ZBTB49: variants seen among roughly 807,000 people sequenced by gnomAD.
ZBTB49 encodes zinc finger and BTB domain-containing protein 49.
Under a neutral mutation model 57.5 loss-of-function variants are expected in ZBTB49, and 43 were observed. The ratio of observed to expected loss-of-function variants is 0.75; its 90% confidence interval spans 0.59 to 0.97. ZBTB49 has a LOEUF of 0.97. ZBTB49 is among the 50% of genes least tolerant of loss of function. The probability of loss-of-function intolerance (pLI) is 0.00; values close to 1 mark genes in which losing one functional copy is unlikely to be tolerated. For synonymous variants in ZBTB49, 369 were observed against 362.1 expected (o/e 1.02, Z -0.22); for missense variants, 938 against 947.7 (o/e 0.99, Z 0.13).
At chr4:4,301,236 A>T (rs1720459209) in intron 2 of ZBTB49, among the ~76,000 whole-genome samples, 1 of 152,212 alleles carries the variant, frequency 6.6e-6, no homozygotes, top group South Asian at 2.1e-4. Flanking sequence ...TACTTACCTG[A>T]GCTTATTATT....
At chr4:4,314,017 G>A (rs1014950443) in intron 5 of ZBTB49, among the ~76,000 whole-genome samples, 1 of 152,212 alleles carries the variant, frequency 6.6e-6, no homozygotes, top group African/African-American at 2.4e-5. Flanking sequence ...ATAGTCACGG[G>A]GTCAGTTAGA....
At chr4:4,294,630 C>T (rs907091377) in intron 1 of ZBTB49, among the ~76,000 whole-genome samples, 8 of 152,156 alleles carry the variant, frequency 5.3e-5, no homozygotes, top group African/African-American at 1.9e-4. Flanking sequence ...GGTAGAATTA[C>T]AAGCATGAGC....
At chr4:4,292,325 T>C (rs1206918136) in intron 1 of ZBTB49, among the ~76,000 whole-genome samples, 1 of 152,138 alleles carries the variant, frequency 6.6e-6, no homozygotes, top group African/African-American at 2.4e-5. Context: ...ACGATACTTG[T>C]TTTTCCCACT....
chr4:4,302,101 C>T lies in ZBTB49; in HGVS notation c.265C>T (p.Leu89Phe), dbSNP rs781044085. 2 of 1,614,206 alleles carry T rather than the reference C, an allele frequency of 1.2e-6. No individual in the cohort carries two copies. The highest frequency in any genetic ancestry group is 1.7e-6 in the Non-Finnish European group (2 of 1,180,024). The change falls in exon 3 of 8, where the codon CTT becomes TTT. Residue 89 changes from leucine to phenylalanine, a missense_variant. Leu to Phe is a conservative substitution (Grantham distance 22, BLOSUM62 0). Transcript: ENST00000337872. ...CTTCATGTACACTTCTCATCTAGAT[C>T]TTAACCAGGACAATATACAAGTAAT... ...LDFMYTSHLD[L>F]NQDNIQVMLD...
In ZBTB49 at chr4:4,302,012, G is replaced by C; in HGVS notation, c.176G>C (p.Ser59Thr). 1 of 1,570,110 alleles carries C rather than the reference G, an allele frequency of 6.4e-7. No homozygotes were observed. Among genetic ancestry groups the C allele is most frequent in the Non-Finnish European group, 8.7e-7 (1 of 1,155,702 alleles). ...YFRSLFQNSSSQKNDVFHLDV... is the reference protein window; with the variant it reads ...YFRSLFQNSSTQKNDVFHLDV... The stretch of plus-strand genomic sequence containing the variant: ...AGGAGCCTCTTTCAGAATTCTTCAA[G>C]CCAGAAGAATGATGTTTTTCACTTG... The change falls in exon 3 of 8, where the codon AGC (serine) becomes ACC (threonine). Residue 59 changes from serine to threonine, a missense_variant. By Grantham distance (58) the Ser-to-Thr change is moderately conservative. This residue lies in a region of ZBTB49 where 100 missense variants were observed against 112.5 expected (regional missense o/e 0.89). Coordinates refer to ENST00000337872, the MANE Select transcript of ZBTB49 (RefSeq NM_145291.4).
chr4:4,292,568 C>G (rs1170897265), intron 1 of ZBTB49, among the ~76,000 whole-genome samples: 1 of 152,170 alleles, frequency 6.6e-6, no homozygotes, highest in African/African-American at 2.4e-5. Flanking sequence ...ATTGGCCTTC[C>G]CAGTATGATA....
rs751912248 is a variant in ZBTB49 at position 4,302,523 on chromosome 4, T to G, written c.687T>G (p.Ala229=). ...FYSKQYHKHA[A]GPSQERVVEQ... ...GTAAGCAGTACCATAAACACGCAGC[T>G]GGTCCCAGTCAGGAGAGAGTTGTTG... Residue 229 remains alanine (A), a synonymous_variant, in exon 3 of 8, where the codon GCT becomes GCG. Coordinates refer to ENST00000337872, the MANE Select transcript of ZBTB49 (RefSeq NM_145291.4). 3 of 1,614,060 alleles carry G rather than the reference T, an allele frequency of 1.9e-6. No homozygotes were observed. Among genetic ancestry groups the G allele is most frequent in the Admixed American group, 3.3e-5 (2 of 60,016 alleles).
At chr4:4,318,083 A>G (rs986932652) in intron 7 of ZBTB49, among the ~76,000 whole-genome samples, 3 of 152,126 alleles carry the variant, frequency 2.0e-5, no homozygotes, top group African/African-American at 7.2e-5. Flanking sequence ...GTCCCCTACT[A>G]GACCTACTGT....
intron 3 of ZBTB49, among the ~76,000 whole-genome samples, chr4:4,303,865 T>A (rs1314896525): frequency 6.6e-6 from 1 of 152,012 alleles, no homozygotes; most frequent in Non-Finnish European, 1.5e-5. Flanking sequence ...AACATGAGTT[T>A]AATAGCACAT....
intron 3 of ZBTB49, among the ~76,000 whole-genome samples, chr4:4,304,310 C>T (rs372250217): frequency 6.6e-6 from 1 of 151,232 alleles, no homozygotes; most frequent in African/African-American, 2.4e-5. Context: ...ACTGCAACCT[C>T]TGCCTCCTGG....
At chr4:4,293,500 TTA>T (rs1326490827) in intron 1 of ZBTB49, among the ~76,000 whole-genome samples, 7 of 152,230 alleles carry the variant, frequency 4.6e-5, no homozygotes, top group Non-Finnish European at 1.0e-4. Flanking sequence ...CCCTTATTAC[TTA>T]CCTATTTTTA....
At chr4:4,309,887 A>T (rs1160369072) in intron 4 of ZBTB49, among the ~76,000 whole-genome samples, 5 of 152,242 alleles carry the variant, frequency 3.3e-5, no homozygotes, top group Non-Finnish European at 7.3e-5. Flanking sequence ...TGATATCTCT[A>T]TGTTAAACCT....
rs148456390 is a variant in ZBTB49 at position 4,303,726 on chromosome 4, TTCTCTC to T, written c.1255+665_1255+670del. 3.1e-3 allele frequency among the ~76,000 whole-genome samples: 378 copies of T among 121,788 alleles called. 3 individuals are homozygous for T. Among genetic ancestry groups the T allele is most frequent in the African/African-American group, 9.7e-3 (296 of 30,416 alleles). The allele number at this position is 121,788 out of a possible 152,430, so 79.9% of individuals were successfully genotyped here. On this transcript the variant is annotated intron_variant, in intron 3 of 7. Transcript: ENST00000337872. Reference sequence around the variant, plus strand: ...TTTCCCAAAAGATTTTTTTAAGGTATTCTCTCTCTCTCTCTCTCTCTCTCTCTCTCT... The same window carrying T: ...TTTCCCAAAAGATTTTTTTAAGGTATTCTCTCTCTCTCTCTCTCTCTCTCT...
intron 7 of ZBTB49, among the ~76,000 whole-genome samples, chr4:4,320,155 T>A (rs1202993906): frequency 6.6e-6 from 1 of 152,254 alleles, no homozygotes; most frequent in Non-Finnish European, 1.5e-5. Context: ...GTGAAACTGA[T>A]GAGGAGAGCT....
At position 4,303,045 on chromosome 4, in the gene ZBTB49, T is replaced by C; in HGVS notation, c.1209T>C (p.Pro403=). 6.2e-7 allele frequency: 1 copy of C among 1,611,888 alleles called. No homozygotes were observed. The highest frequency in any genetic ancestry group is 8.5e-7 in the Non-Finnish European group (1 of 1,178,936). The change falls in exon 3 of 8, where the codon CCT becomes CCC. Residue 403 remains proline (P), a synonymous_variant. Coordinates refer to ENST00000337872, the MANE Select transcript of ZBTB49 (RefSeq NM_145291.4). ...ACGCGTGTGAATTATGCGGGAAACC[T>C]TTTAAACACCCAAGCAACTTGGAGC... The part of the protein sequence containing the change: ...RQYACELCGK[P]FKHPSNLELH...
chr4:4,298,612 A>G (rs934510406), intron 1 of ZBTB49, among the ~76,000 whole-genome samples: 2 of 151,976 alleles, frequency 1.3e-5, no homozygotes, highest in Non-Finnish European at 2.9e-5. Context: ...TTTATTTTTC[A>G]TAGAGACAGG....
chr4:4,299,886 T>C (rs760161373), intron 1 of ZBTB49, 41 bp from the exon 2 acceptor site: 429 of 1,590,626 alleles, frequency 2.7e-4, no homozygotes, highest in Non-Finnish European at 3.5e-4. Flanking sequence ...TCCAGTGAGG[T>C]CCTTAAGAAT....
chr4:4,321,380 G>C lies in ZBTB49; in HGVS notation c.*64G>C. On this transcript the variant is annotated 3_prime_UTR_variant, in exon 8 of 8. Transcript: ENST00000337872. The stretch of plus-strand genomic sequence containing the variant: ...TTAGCAGGCTGGTGTTAAGGCTGTA[G>C]GAGGACCCAGTTTCCCCATGACAGT... The C allele has an allele frequency of 1.3e-6, 2 of 1,540,192 alleles. No homozygotes were observed. The highest frequency in any genetic ancestry group is 1.8e-6 in the Non-Finnish European group (2 of 1,138,272).
At chr4:4,307,694 G>A (rs1720800818) in intron 4 of ZBTB49, among the ~76,000 whole-genome samples, 2 of 151,776 alleles carry the variant, frequency 1.3e-5, no homozygotes, top group Admixed American at 6.6e-5. Flanking sequence ...CGCCCCCACC[G>A]TTTTCATCTC....
Sources: allele counts gnomAD v4.1 joint callset (sites outside exome capture counted in the v4.1 genomes callset), GRCh38; gene constraint gnomAD v4.1.1; regional missense constraint gnomAD v4.1.1; transcripts MANE v1.5; gene names NCBI Gene and HGNC (gene_info 2026-07-23, HGNC 2026-07-21).